NAV2: variants seen among roughly 807,000 people sequenced by gnomAD.
The protein encoded by NAV2 is neuron navigator 2.
A neutral mutation model predicts 223.2 loss-of-function variants in NAV2; 54 were observed. That is an observed-to-expected ratio of 0.24 (90% CI 0.19 to 0.30). NAV2 has a LOEUF of 0.30. Among genes scored for constraint, NAV2 ranks in the 10% least tolerant of loss-of-function variants. NAV2 has a pLI of 1.00. For synonymous variants in NAV2, 1,279 were observed against 1,239.3 expected, an observed-to-expected ratio of 1.03 and a Z score of -0.67; for missense variants, 2,806 against 3,147.5, an observed-to-expected ratio of 0.89 and a Z score of 2.60.
At chr11:19,717,732 G>A (rs115110836) in intron 1 of NAV2, among the ~76,000 whole-genome samples, 1,855 of 152,298 alleles carry the variant, frequency 0.012, 40 homozygotes, top group African/African-American at 0.042. Context: ...GAGGGTGTCC[G>A]TTAAGGACCT....
intron 1 of NAV2, among the ~76,000 whole-genome samples, chr11:19,539,647 A>C (rs930160854): frequency 6.6e-6 from 1 of 152,190 alleles, no homozygotes; most frequent in African/African-American, 2.4e-5. Flanking sequence ...GAGCAAAAAG[A>C]TTGAAGGCCA....
At chr11:19,684,936 A>C (rs2048981733) in intron 1 of NAV2, among the ~76,000 whole-genome samples, 1 of 152,188 alleles carries the variant, frequency 6.6e-6, no homozygotes, top group African/African-American at 2.4e-5. Flanking sequence ...GTAGGTGCTC[A>C]GTGAGTGCTG....
intron 1 of NAV2, among the ~76,000 whole-genome samples, chr11:19,696,031 G>T (rs1206254794): frequency 1.3e-5 from 2 of 151,568 alleles, no homozygotes; most frequent in Non-Finnish European, 2.9e-5. Flanking sequence ...GGCTTGCTAG[G>T]ACATAGCACA....
chr11:19,580,144 G>A (rs894632089), intron 1 of NAV2, among the ~76,000 whole-genome samples: 11 of 152,138 alleles, frequency 7.2e-5, no homozygotes, highest in Admixed American at 6.5e-5. Flanking sequence ...GGGCTTCCAG[G>A]GCTCGCTAAT....
chr11:19,724,430 C>T (rs2051059579), intron 1 of NAV2, among the ~76,000 whole-genome samples: 1 of 152,146 alleles, frequency 6.6e-6, no homozygotes, highest in African/African-American at 2.4e-5. Flanking sequence ...TCACTGCAGC[C>T]ACAAACTCCT....
At chr11:19,496,559 A>G (rs2042799885) in intron 1 of NAV2, among the ~76,000 whole-genome samples, 1 of 152,226 alleles carries the variant, frequency 6.6e-6, no homozygotes, top group African/African-American at 2.4e-5. Flanking sequence ...GCTTCAAGAA[A>G]GAACAAGGCA....
intron 1 of NAV2, among the ~76,000 whole-genome samples, chr11:19,704,150 T>C (rs1189714155): frequency 2.6e-5 from 4 of 152,266 alleles, no homozygotes; most frequent in Non-Finnish European, 4.4e-5. Flanking sequence ...AAGCCCTGTC[T>C]CAGAGCACGA....
chr11:19,984,203 G>A lies in NAV2; in HGVS notation c.2724G>A (p.Glu908=). ...CTGATGGGATGGCTGTGGTACGGGA[G>A]ACCCTGCAACGAAATACCTCCCTGG... ...RLPDGMAVVR[E]TLQRNTSLGL... Residue 908 remains glutamate (E), a synonymous_variant, in exon 11 of 38, where the codon GAG becomes GAA. Coordinates refer to ENST00000349880, the MANE Select transcript of NAV2 (RefSeq NM_145117.5). The A allele has an allele frequency of 6.2e-7, 1 of 1,614,186 alleles. No individual in the cohort carries two copies. The highest frequency in any genetic ancestry group is 8.5e-7 in the Non-Finnish European group (1 of 1,180,026).
chr11:19,778,522 A>C (rs770639640), intron 1 of NAV2, among the ~76,000 whole-genome samples: 4 of 152,042 alleles, frequency 2.6e-5, no homozygotes, highest in Non-Finnish European at 4.4e-5. Context: ...CAAAAACAAA[A>C]CACAAAAAAA....
chr11:19,941,149 A>G (rs908240475), intron 8 of NAV2, among the ~76,000 whole-genome samples: 1 of 152,100 alleles, frequency 6.6e-6, no homozygotes, highest in African/African-American at 2.4e-5. Flanking sequence ...AATATTCCAA[A>G]TATTACTTAG....
intron 1 of NAV2, among the ~76,000 whole-genome samples, chr11:19,609,842 G>T (rs984658276): frequency 3.2e-4 from 48 of 152,224 alleles, no homozygotes; most frequent in African/African-American, 1.2e-3. Flanking sequence ...GTCCATATTG[G>T]CTCTAGTGCC....
intron 1 of NAV2, among the ~76,000 whole-genome samples, chr11:19,533,706 C>CTTT (rs34280979): frequency 4.0e-5 from 5 of 126,548 alleles, no homozygotes; most frequent in Admixed American, 7.7e-5. Context: ...TGGGAACTAT[C>CTTT]TTTTTTTTTT....
At chr11:19,633,627 G>A (rs1315688505) in intron 1 of NAV2, among the ~76,000 whole-genome samples, 2 of 152,254 alleles carry the variant, frequency 1.3e-5, no homozygotes, top group Admixed American at 6.5e-5. Context: ...AAAGCAGCCT[G>A]TTCCTTCACT....
At chr11:19,732,714 G>T (rs1372956574) in intron 1 of NAV2, among the ~76,000 whole-genome samples, 1 of 152,180 alleles carries the variant, frequency 6.6e-6, no homozygotes, top group Admixed American at 6.5e-5. Flanking sequence ...CTGGACTCTG[G>T]GATTCCTTGC....
chr11:19,845,740 C>T (rs1351742042), intron 3 of NAV2, among the ~76,000 whole-genome samples: 2 of 152,218 alleles, frequency 1.3e-5, no homozygotes, highest in African/African-American at 4.8e-5. Context: ...GCTGTAACTC[C>T]TGCTGTCTTC....
chr11:19,764,898 T>C (rs1359869516), intron 1 of NAV2, among the ~76,000 whole-genome samples: 1 of 152,172 alleles, frequency 6.6e-6, no homozygotes, highest in African/African-American at 2.4e-5. Flanking sequence ...AGAGTCATCC[T>C]TCACTCCTTT....
At chr11:19,437,657 A>C (rs564472054) in intron 1 of NAV2, among the ~76,000 whole-genome samples, 135 of 152,314 alleles carry the variant, frequency 8.9e-4, no homozygotes, top group South Asian at 2.3e-3. Context: ...CATTTCATCA[A>C]ATCTCAAAAA....
chr11:19,357,363 T>A (rs1590043100), intron 1 of NAV2, among the ~76,000 whole-genome samples: 2 of 152,346 alleles, frequency 1.3e-5, no homozygotes, highest in South Asian at 4.1e-4. Context: ...CACATAACTT[T>A]GAGGCTTTAT....
chr11:20,035,989 C>T lies in NAV2; in HGVS notation c.2799C>T (p.Gly933=), dbSNP rs772470277. 16 of 1,614,060 alleles carry T rather than the reference C, an allele frequency of 9.9e-6. No individual in the cohort carries two copies. Among genetic ancestry groups the T allele is most frequent in the Admixed American group, 1.7e-5 (1 of 60,010 alleles). ...SWDDSSSVSS[G]ISDTIDNLST... ...ACGACAGCAGCTCCGTCAGCAGCGG[C>T]ATCAGCGACACCATAGACAACCTCA... Residue 933 remains glycine, a synonymous_variant, in exon 12 of 38, where the codon GGC becomes GGT. Coordinates refer to ENST00000349880, the MANE Select transcript of NAV2 (RefSeq NM_145117.5).
Sources: gnomAD v4.1 joint callset for allele counts (sites outside exome capture counted in the v4.1 genomes callset) on GRCh38, gnomAD v4.1.1 for gene constraint, MANE v1.5 for transcripts, NCBI Gene and HGNC (gene_info 2026-07-23, HGNC 2026-07-21) for gene names.